CCDC146: variants seen among roughly 807,000 people sequenced by gnomAD.
CCDC146 encodes coiled-coil domain-containing protein 146.
Under a neutral mutation model 119.3 loss-of-function variants are expected in CCDC146, and 92 were observed. The observed-to-expected ratio is 0.77, with a 90% CI of 0.65 to 0.92. The LOEUF is 0.92. Ranked by LOEUF, CCDC146 falls within the 40% of genes least tolerant of loss-of-function variation. The pLI is 0.00. For missense variants in CCDC146, 1,000 were observed against 1,103.0 expected (o/e 0.91, Z 1.32); for synonymous variants, 372 against 371.8 (o/e 1.00, Z -0.01).
intron 1 of CCDC146, among the ~76,000 whole-genome samples, chr7:77,142,728 T>C (rs1790955442): frequency 6.6e-6 from 1 of 151,738 alleles, no homozygotes; most frequent in Admixed American, 6.6e-5. Flanking sequence ...TCCATGTCCC[T>C]ATGAAGGACA....
At chr7:77,253,998 G>C (rs1793129600) in intron 4 of CCDC146, among the ~76,000 whole-genome samples, 1 of 152,206 alleles carries the variant, frequency 6.6e-6, no homozygotes, top group African/African-American at 2.4e-5. Flanking sequence ...TTTGGGAAAG[G>C]AGTTCAAATT....
intron 1 of CCDC146, among the ~76,000 whole-genome samples, chr7:77,139,979 C>T (rs545864164): frequency 1.3e-5 from 2 of 151,766 alleles, no homozygotes; most frequent in East Asian, 3.9e-4. Flanking sequence ...ACTGCAACCT[C>T]CGCCTCCTGG....
intron 11 of CCDC146, among the ~76,000 whole-genome samples, chr7:77,275,113 G>C (rs1793608825): frequency 6.7e-6 from 1 of 150,360 alleles, no homozygotes; most frequent in Admixed American, 6.6e-5. Flanking sequence ...GAACAACATG[G>C]ATTTGAACTG....
chr7:77,182,256 G>A (rs1480737045), intron 2 of CCDC146, among the ~76,000 whole-genome samples: 2 of 152,134 alleles, frequency 1.3e-5, no homozygotes. Flanking sequence ...CTGATCATTG[G>A]GTGGGAGAGT....
chr7:77,148,178 C>T (rs571981066), intron 1 of CCDC146, among the ~76,000 whole-genome samples: 4 of 152,284 alleles, frequency 2.6e-5, no homozygotes, highest in Non-Finnish European at 5.9e-5. Flanking sequence ...TAGCAATGAG[C>T]GAGGCTCCGT....
chr7:77,189,684 A>AC, intron 2 of CCDC146, among the ~76,000 whole-genome samples: 1 of 151,844 alleles, frequency 6.6e-6, no homozygotes, highest in Admixed American at 6.6e-5. Flanking sequence ...TCTTCTCACC[A>AC]CCCCAGACCC....
intron 4 of CCDC146, among the ~76,000 whole-genome samples, chr7:77,244,578 G>A (rs548442313): frequency 6.6e-6 from 1 of 152,318 alleles, no homozygotes; most frequent in South Asian, 2.1e-4. Flanking sequence ...ACTCAGTCCG[G>A]TAACCTGCTA....
intron 16 of CCDC146, 134 bp downstream of exon 16, chr7:77,287,060 T>G: frequency 1.0e-6 from 1 of 965,328 alleles, no homozygotes. Context: ...GTCCTTTTGT[T>G]GTAATCTAGT....
At chr7:77,243,801 C>T (rs1792894200) in intron 4 of CCDC146, among the ~76,000 whole-genome samples, 1 of 152,140 alleles carries the variant, frequency 6.6e-6, no homozygotes, top group African/African-American at 2.4e-5. Flanking sequence ...GATGTGGAGG[C>T]AGAAAATAAT....
intron 9 of CCDC146, among the ~76,000 whole-genome samples, chr7:77,271,909 C>T (rs1793531395): frequency 6.6e-6 from 1 of 151,916 alleles, no homozygotes; most frequent in South Asian, 2.1e-4. Flanking sequence ...GTGTTCTCAT[C>T]ATATTTTCTG....
At chr7:77,194,302 A>G (rs555976732) in intron 2 of CCDC146, 1 of 152,232 alleles carries the variant, frequency 6.6e-6, no homozygotes, top group Admixed American at 6.5e-5. Flanking sequence ...TATCTGAAAC[A>G]AATACATTGT....
intron 1 of CCDC146, among the ~76,000 whole-genome samples, chr7:77,158,191 C>T (rs571413446): frequency 1.3e-5 from 2 of 152,118 alleles, no homozygotes; most frequent in African/African-American, 2.4e-5. Context: ...AGTTCTTTCC[C>T]TGCCTTACTT....
At chr7:77,189,984 T>C (rs964109338) in intron 2 of CCDC146, among the ~76,000 whole-genome samples, 1 of 152,188 alleles carries the variant, frequency 6.6e-6, no homozygotes, top group Non-Finnish European at 1.5e-5. Flanking sequence ...ATATTTACCA[T>C]ATATTTGTCT....
In CCDC146 at chr7:77,149,479, T is replaced by G. The variant is rs548405516; in HGVS notation, c.-11-18179T>G. Among the ~76,000 whole-genome samples the G allele has an allele frequency of 1.2e-4, 19 of 152,272 alleles. No homozygotes were observed. In the East Asian group the frequency reaches 3.1e-3, roughly 25 times the overall value. ...TTATAATACCTAATTTTAAGACTTA[T>G]TATAGGCTGGGTGCAGTGGCTCATG... is the stretch of plus-strand genomic sequence containing the variant. On this transcript the variant is annotated intron_variant, in intron 1 of 18. Transcript: ENST00000285871.
intron 2 of CCDC146, among the ~76,000 whole-genome samples, chr7:77,188,946 TG>T (rs1038520373): frequency 3.3e-5 from 5 of 152,162 alleles, no homozygotes; most frequent in Non-Finnish European, 5.9e-5. Context: ...CTCCAACTTC[TG>T]CAAGGCCAGC....
At chr7:77,169,481 AG>A (rs1401706895) in intron 2 of CCDC146, among the ~76,000 whole-genome samples, 1 of 151,620 alleles carries the variant, frequency 6.6e-6, no homozygotes, top group African/African-American at 2.4e-5. Flanking sequence ...ATACTTACCC[AG>A]ATCAACTCTT....
chr7:77,268,822 C>T (rs1051130716), intron 9 of CCDC146, among the ~76,000 whole-genome samples: 54 of 152,294 alleles, frequency 3.5e-4, no homozygotes, highest in African/African-American at 1.3e-3. Context: ...ATTAGATTAA[C>T]TGCCTTCTAG....
intron 2 of CCDC146, among the ~76,000 whole-genome samples, chr7:77,183,394 C>T (rs1221306864): frequency 6.6e-6 from 1 of 152,074 alleles, no homozygotes; most frequent in Non-Finnish European, 1.5e-5. Flanking sequence ...AGATACTTAA[C>T]TTTGACTTTT....
intron 4 of CCDC146, among the ~76,000 whole-genome samples, chr7:77,245,576 G>A (rs1184947501): frequency 3.9e-5 from 6 of 152,188 alleles, no homozygotes; most frequent in South Asian, 4.1e-4. Flanking sequence ...GGCCGCACAC[G>A]TGCAGGGCTG....
Sources: gnomAD v4.1 joint callset for allele counts (sites outside exome capture counted in the v4.1 genomes callset) on GRCh38, gnomAD v4.1.1 for gene constraint, MANE v1.5 for transcripts, NCBI Gene and HGNC (gene_info 2026-07-23, HGNC 2026-07-21) for gene names.